The following ZFP30 variants were observed in gnomAD, a reference collection of about 807,000 sequenced individuals.
ZFP30 encodes ZFP30 zinc finger protein, also known as zinc finger protein 30 homolog.
ZFP30 carries 16 observed loss-of-function variants against 12.3 expected under a neutral mutation model. The ratio of observed to expected loss-of-function variants is 1.30; its 90% confidence interval spans 0.88 to 1.98. The LOEUF (loss-of-function observed/expected upper bound fraction) is 1.98. ZFP30 is among the 30% of genes most tolerant of loss of function. The pLI is 0.00. For missense variants in ZFP30, 560 were observed against 611.2 expected, an observed-to-expected ratio of 0.92 and a Z score of 0.88; for synonymous variants, 172 against 201.0, an observed-to-expected ratio of 0.86 and a Z score of 1.22.
chr19:37,655,160 G>C (rs1463679669), intron 1 of ZFP30: 1 of 152,368 alleles, frequency 6.6e-6, no homozygotes, highest in Non-Finnish European at 1.5e-5. Context: ...AAGCGCGGAC[G>C]AGGATGCGCG....
chr19:37,648,166 C>A (rs1255396386), intron 2 of ZFP30, among the ~76,000 whole-genome samples: 1 of 152,176 alleles, frequency 6.6e-6, no homozygotes, highest in East Asian at 1.9e-4. Context: ...GCCAGTTGGT[C>A]CCCAGCTCTG....
At position 37,644,725 on chromosome 19, in the gene ZFP30, C is replaced by T. The variant is rs748113943; in HGVS notation, c.21G>A (p.Met7Ile). 21 of 1,610,174 alleles carry T rather than the reference C, an allele frequency of 1.3e-5. No homozygotes were observed. The highest frequency in any genetic ancestry group is 1.7e-5 in the Non-Finnish European group (20 of 1,178,796). The stretch of plus-strand genomic sequence containing the variant: ...AAAAGTCTACAGCCACATCTCTGAA[C>T]ATCACCAAATCCTGAAATGATAAAC... MARDLV[M>I]FRDVAVDFSQ... The change falls in exon 4 of 6, where the codon ATG becomes ATA. Residue 7 changes from methionine to isoleucine, a missense_variant. Physicochemically the swap from Met to Ile is conservative, Grantham distance 10. Transcript: ENST00000684514.
At chr19:37,640,652 C>T (rs936169489) in intron 5 of ZFP30, among the ~76,000 whole-genome samples, 16 of 151,030 alleles carry the variant, frequency 1.1e-4, no homozygotes, top group African/African-American at 2.9e-4. Context: ...TCTGGCAGGC[C>T]GAGGCAGACA....
Position 37,635,138 on chromosome 19 carries a change from C to T in ZFP30, c.1403G>A (p.Cys468Tyr). Residue 468 changes from cysteine to tyrosine, a missense_variant, in exon 6 of 6, where the codon TGT becomes TAT. By Grantham distance (194) the Cys-to-Tyr change is radical (BLOSUM62 -2). Transcript: ENST00000684514. ...SIHTGEKPYD[C>Y]KECGKAFRLH... The stretch of plus-strand genomic sequence containing the variant: ...TCTAAAGGCCTTTCCACATTCCTTA[C>T]AGTCATAGGGCTTTTCACCAGTATG... 2 of 1,612,956 alleles carry T rather than the reference C, an allele frequency of 1.2e-6. No homozygotes were observed. Among genetic ancestry groups the T allele is most frequent in the Non-Finnish European group, 1.7e-6 (2 of 1,179,528 alleles).
intron 5 of ZFP30, among the ~76,000 whole-genome samples, chr19:37,637,709 A>G (rs1480702790): frequency 6.6e-6 from 1 of 151,670 alleles, no homozygotes; most frequent in African/African-American, 2.4e-5. Context: ...GCTGATCTCG[A>G]ACTCCTGTCC....
intron 2 of ZFP30, among the ~76,000 whole-genome samples, chr19:37,648,410 A>C (rs1382094503): frequency 1.3e-5 from 2 of 152,172 alleles, no homozygotes; most frequent in South Asian, 2.1e-4. Context: ...ATATCTTTAA[A>C]ATATACTGTT....
In ZFP30 at chr19:37,647,866, T is replaced by A. The variant is rs759887000; in HGVS notation, c.-44A>T. 2 of 1,612,950 alleles carry A rather than the reference T, an allele frequency of 1.2e-6. No homozygotes were observed. Among genetic ancestry groups the A allele is most frequent in the Admixed American group, 1.7e-5 (1 of 60,020 alleles). ...ACTGGTCAATTTTCCTCAAGGTTCA[T>A]GTACTTCAGAAGCAGGGTCCACAGA... is the stretch of plus-strand genomic sequence containing the variant. On this transcript the variant is annotated 5_prime_UTR_variant, in exon 3 of 6. The change abolishes an upstream ATG in the 5' untranslated region. Coordinates refer to ENST00000684514, the MANE Select transcript of ZFP30 (RefSeq NM_001320669.3).
Position 37,635,117 on chromosome 19 carries a change from A to C in ZFP30, c.1424T>G (p.Phe475Cys), listed in dbSNP as rs767271425. 3 of 1,613,714 alleles carry C rather than the reference A, an allele frequency of 1.9e-6. No individual in the cohort carries two copies. The highest frequency in any genetic ancestry group is 2.5e-6 in the Non-Finnish European group (3 of 1,179,838). ...TTGAATCAGTGATGAATGAAGTCTA[A>C]AGGCCTTTCCACATTCCTTACAGTC... ...PYDCKECGKA[F>C]RLHSSLIQHQ... The change falls in exon 6 of 6, where the codon TTT becomes TGT. Residue 475 changes from phenylalanine (F) to cysteine (C), a missense_variant. Physicochemically the swap from Phe to Cys is radical, Grantham distance 205. Transcript: ENST00000684514.
chr19:37,636,400 AAAAG>A, intron 5 of ZFP30, 95 bp from the exon 6 acceptor site: 4 of 1,310,838 alleles, frequency 3.1e-6, no homozygotes, highest in East Asian at 2.6e-5. Context: ...AAAAAAAAAA[AAAAG>A]AAAAAGAAAG....
At chr19:37,642,827 G>A (rs921500061) in intron 5 of ZFP30, among the ~76,000 whole-genome samples, 10 of 151,842 alleles carry the variant, frequency 6.6e-5, no homozygotes, top group African/African-American at 1.9e-4. Flanking sequence ...AGGCCGAGGC[G>A]GGTGGATCAC....
Position 37,636,070 on chromosome 19 carries a change from G to A in ZFP30, c.471C>T (p.Pro157=), listed in dbSNP as rs758211010. Residue 157 remains proline, a synonymous_variant, in exon 6 of 6, where the codon CCC becomes CCT. Transcript: ENST00000684514. ...CCTTCCCACATTCCCCACATTCGTA[G>A]GGTTTCTCTCTGTTATGACTTTTCT... ...LYQKSHNREK[P]YECGECGKAF... 1.2e-6 allele frequency: 2 copies of A among 1,614,154 alleles called. No homozygotes were observed. Among genetic ancestry groups the A allele is most frequent in the Admixed American group, 1.7e-5 (1 of 60,026 alleles).
chr19:37,650,738 C>CTTT (rs34780474), intron 2 of ZFP30, among the ~76,000 whole-genome samples: 3 of 142,838 alleles, frequency 2.1e-5, no homozygotes, highest in Non-Finnish European at 4.6e-5. Context: ...TTTTCTTTTC[C>CTTT]TTTTTTTTTT....
chr19:37,634,700 G>A lies in ZFP30; in HGVS notation c.*281C>T. The A allele has an allele frequency of 3.3e-6, 1 of 300,072 alleles. No homozygotes were observed. 18.6% of individuals were successfully genotyped at this position (300,072 alleles called of 1,614,324 possible). On this transcript the variant is annotated 3_prime_UTR_variant, in exon 6 of 6. Transcript: ENST00000684514. ...AACCTTCGTGTGTATATACACAGATGGAAGAATATGGAGATAATAATAGGT... is the reference window on the plus strand; with the variant it reads ...AACCTTCGTGTGTATATACACAGATAGAAGAATATGGAGATAATAATAGGT...
chr19:37,635,474 C>T lies in ZFP30; in HGVS notation c.1067G>A (p.Cys356Tyr). The T allele has an allele frequency of 6.2e-7, 1 of 1,614,184 alleles. No homozygotes were observed. The highest frequency in any genetic ancestry group is 8.5e-7 in the Non-Finnish European group (1 of 1,180,044). ...RIHTGEKPYD[C>Y]KECGKTFSRG... is the part of the protein sequence containing the mutation. ...ACTGAAAGTCTTCCCACATTCCTTA[C>T]AATCATAAGGCTTCTCACCAGTGTG... The change falls in exon 6 of 6, where the codon TGT becomes TAT. Residue 356 changes from cysteine to tyrosine, a missense_variant. By Grantham distance (194) the Cys-to-Tyr change is radical (BLOSUM62 -2). Transcript: ENST00000684514.
At chr19:37,655,523 G>T (rs1214185100), upstream of ZFP30, 1 of 152,640 alleles carries the variant, frequency 6.6e-6, no homozygotes. Flanking sequence ...GCGGAGGCAA[G>T]TCCCGCAGCT....
intron 2 of ZFP30, among the ~76,000 whole-genome samples, chr19:37,651,794 T>C (rs2044656764): frequency 6.6e-6 from 1 of 152,178 alleles, no homozygotes; most frequent in African/African-American, 2.4e-5. Flanking sequence ...TTGGGCAGTT[T>C]GGAATATTCC....
At chr19:37,642,741 G>A (rs887286077) in intron 5 of ZFP30, among the ~76,000 whole-genome samples, 4 of 152,068 alleles carry the variant, frequency 2.6e-5, no homozygotes, top group Admixed American at 2.6e-4. Flanking sequence ...GGAAAGAAAA[G>A]GGAGGGAAAC....
chr19:37,646,404 A>G (rs1423668421), intron 3 of ZFP30, among the ~76,000 whole-genome samples: 4 of 152,222 alleles, frequency 2.6e-5, no homozygotes, highest in African/African-American at 9.7e-5. Context: ...CCAATATTCT[A>G]GTTTAGCAAT....
intron 5 of ZFP30, among the ~76,000 whole-genome samples, chr19:37,642,564 T>G (rs1179899175): frequency 6.6e-6 from 1 of 152,176 alleles, no homozygotes; most frequent in Non-Finnish European, 1.5e-5. Flanking sequence ...TTTATTTACT[T>G]GTTTACTGTG....
Sources: allele counts gnomAD v4.1 joint callset (sites outside exome capture counted in the v4.1 genomes callset), GRCh38; gene constraint gnomAD v4.1.1; transcripts MANE v1.5; gene names NCBI Gene and HGNC (gene_info 2026-07-23, HGNC 2026-07-21).